Variants in DLG2 observed in about 807,000 individuals in gnomAD.
DLG2 encodes discs large MAGUK scaffold protein 2, also known as disks large homolog 2.
Under a neutral mutation model 132.5 loss-of-function variants are expected in DLG2, and 45 were observed. That is an observed-to-expected ratio of 0.34 (90% confidence interval 0.27 to 0.44). The LOEUF (loss-of-function observed/expected upper bound fraction) is 0.44. Among genes scored for constraint, DLG2 ranks in the 20% least tolerant of loss-of-function variants. The pLI is 1.00. For missense variants in DLG2, 1,045 were observed against 1,196.9 expected, an observed-to-expected ratio of 0.87 and a Z score of 1.87; for synonymous variants, 424 against 419.6, an observed-to-expected ratio of 1.01 and a Z score of -0.13.
At chr11:84,676,797 G>C (rs2153700653) in intron 6 of DLG2, among the ~76,000 whole-genome samples, 1 of 152,032 alleles carries the variant, frequency 6.6e-6, no homozygotes, top group South Asian at 2.1e-4. Context: ...TGTAATATGT[G>C]CTCAAAGAAA....
At chr11:83,684,616 T>C (rs2079410784) in intron 18 of DLG2, 1 of 152,180 alleles carries the variant, frequency 6.6e-6, no homozygotes, top group Non-Finnish European at 1.5e-5. Flanking sequence ...AAAAGTCAGA[T>C]GTAAACAAAG....
intron 8 of DLG2, among the ~76,000 whole-genome samples, chr11:84,212,712 T>G (rs996050148): frequency 2.0e-5 from 3 of 152,196 alleles, no homozygotes; most frequent in Non-Finnish European, 4.4e-5. Context: ...CAGGCTGGAG[T>G]GCGGTGGTGC....
chr11:84,275,360 T>A (rs1214598194), intron 7 of DLG2, among the ~76,000 whole-genome samples: 1 of 152,184 alleles, frequency 6.6e-6, no homozygotes, highest in East Asian at 1.9e-4. Context: ...GCTATAATTT[T>A]TTTTTTTTTC....
chr11:84,606,016 G>T (rs1484015440), intron 6 of DLG2, among the ~76,000 whole-genome samples: 1 of 151,918 alleles, frequency 6.6e-6, no homozygotes, highest in Non-Finnish European at 1.5e-5. Context: ...TTAAGGCACT[G>T]ATCACATTCT....
chr11:84,716,357 A>T (rs2061226473), intron 6 of DLG2, among the ~76,000 whole-genome samples: 1 of 152,220 alleles, frequency 6.6e-6, no homozygotes, highest in African/African-American at 2.4e-5. Context: ...GAATATTAGG[A>T]CAAATAACAA....
chr11:84,775,392 A>C (rs945505199), intron 6 of DLG2, among the ~76,000 whole-genome samples: 1 of 152,188 alleles, frequency 6.6e-6, no homozygotes, highest in African/African-American at 2.4e-5. Context: ...TTAATACAGA[A>C]CTACTATTCA....
chr11:85,499,172 T>A (rs1015244912), intron 3 of DLG2, among the ~76,000 whole-genome samples: 3 of 151,832 alleles, frequency 2.0e-5, no homozygotes, highest in Admixed American at 1.3e-4. Flanking sequence ...CTGGTTTTTT[T>A]AAAAGATAAA....
intron 6 of DLG2, among the ~76,000 whole-genome samples, chr11:85,045,107 A>C (rs2062213849): frequency 6.6e-6 from 1 of 152,150 alleles, no homozygotes; most frequent in East Asian, 1.9e-4. Flanking sequence ...CTTGGGAACA[A>C]GTAAGCCAAA....
At chr11:83,470,953 C>A (rs551072469) in intron 24 of DLG2, among the ~76,000 whole-genome samples, 3 of 151,594 alleles carry the variant, frequency 2.0e-5, no homozygotes, top group East Asian at 3.9e-4. Context: ...TTGACAGAGT[C>A]GGGGTGTAGA....
At chr11:84,546,550 A>G (rs1267286987) in intron 6 of DLG2, 11 of 377,644 alleles carry the variant, frequency 2.9e-5, no homozygotes, top group Non-Finnish European at 4.7e-5. Context: ...TTAAGTAGGC[A>G]ACTAGTCTTT....
At chr11:84,143,127 T>C (rs868161798) in intron 9 of DLG2, among the ~76,000 whole-genome samples, 1 of 152,284 alleles carries the variant, frequency 6.6e-6, no homozygotes, top group African/African-American at 2.4e-5. Context: ...GCATCTACCT[T>C]GTGCCAGGTG....
chr11:84,500,491 G>C (rs969915358), intron 7 of DLG2, among the ~76,000 whole-genome samples: 5 of 152,148 alleles, frequency 3.3e-5, no homozygotes, highest in African/African-American at 1.2e-4. Flanking sequence ...AAATCACCTG[G>C]GGTCTTGATA....
At chr11:85,437,182 G>C (rs2091530213) in intron 3 of DLG2, among the ~76,000 whole-genome samples, 1 of 152,032 alleles carries the variant, frequency 6.6e-6, no homozygotes, top group Admixed American at 6.6e-5. Context: ...AGAGCATCAG[G>C]ACAAATAGCC....
intron 5 of DLG2, among the ~76,000 whole-genome samples, chr11:85,150,346 T>C (rs2077156840): frequency 6.6e-6 from 1 of 152,112 alleles, no homozygotes; most frequent in African/African-American, 2.4e-5. Context: ...TATTGTATCA[T>C]AAGAAGAACC....
Position 83,829,197 on chromosome 11 carries a change from CTTTT to C in DLG2, c.1722+4413_1722+4416del, listed in dbSNP as rs5793089. On this transcript the variant is annotated intron_variant, in intron 17 of 27. Transcript: ENST00000376104. Reference sequence around the variant, plus strand: ...TTAATATGTATTGAATTTTATTTAGCTTTTTTTTTTTTTTTTTTTGACAGAGTCT... The same window carrying C: ...TTAATATGTATTGAATTTTATTTAGCTTTTTTTTTTTTTTTGACAGAGTCT... Among the ~76,000 whole-genome samples, 1,072 of 119,336 alleles carry C rather than the reference CTTTT, an allele frequency of 9.0e-3. 9 individuals carry two copies. The highest frequency in any genetic ancestry group is 0.026 in the South Asian group (93 of 3,546). 78.3% of individuals were successfully genotyped at this position (119,336 alleles called of 152,430 possible).
At chr11:83,542,664 G>A (rs752185023) in intron 19 of DLG2, among the ~76,000 whole-genome samples, 2 of 152,148 alleles carry the variant, frequency 1.3e-5, no homozygotes, top group Non-Finnish European at 2.9e-5. Flanking sequence ...ATATGTATGA[G>A]TGGCAGCATG....
intron 6 of DLG2, among the ~76,000 whole-genome samples, chr11:84,630,900 G>A (rs1393041145): frequency 6.6e-6 from 1 of 151,676 alleles, no homozygotes; most frequent in East Asian, 1.9e-4. Flanking sequence ...AGTATCACCT[G>A]AGCATTTGTT....
At chr11:85,264,113 A>G (rs1210740711) in intron 4 of DLG2, among the ~76,000 whole-genome samples, 1 of 152,178 alleles carries the variant, frequency 6.6e-6, no homozygotes, top group South Asian at 2.1e-4. Context: ...TGTCTCTCAG[A>G]CAATTGTTCT....
At chr11:83,586,172 T>G (rs2097081792) in intron 19 of DLG2, among the ~76,000 whole-genome samples, 1 of 152,006 alleles carries the variant, frequency 6.6e-6, no homozygotes, top group South Asian at 2.1e-4. Flanking sequence ...CATTCAGGAG[T>G]GGGGCATGGG....
Sources: allele counts gnomAD v4.1 joint callset (sites outside exome capture counted in the v4.1 genomes callset), GRCh38; gene constraint gnomAD v4.1.1; transcripts MANE v1.5; gene names NCBI Gene and HGNC (gene_info 2026-07-23, HGNC 2026-07-21).